Variants in DYNC2I1 observed in about 807,000 individuals in gnomAD.
The protein encoded by DYNC2I1 is cytoplasmic dynein 2 intermediate chain 1.
A neutral mutation model predicts 133.4 loss-of-function variants in DYNC2I1; 89 were observed. The observed-to-expected ratio is 0.67, with a 90% CI of 0.56 to 0.80. DYNC2I1 has a LOEUF of 0.80. DYNC2I1 is among the 30% of genes least tolerant of loss of function. The pLI is 0.00. For synonymous variants in DYNC2I1, 504 were observed against 484.3 expected (o/e 1.04, Z -0.54); for missense variants, 1,291 against 1,314.5 (o/e 0.98, Z 0.28).
In DYNC2I1 at chr7:158,934,181, A is replaced by G; in HGVS notation, c.2599A>G (p.Lys867Glu). The change falls in exon 22 of 25, where the codon AAA becomes GAA. Residue 867 changes from lysine (K) to glutamate (E), a missense_variant. Coordinates refer to ENST00000407559, the MANE Select transcript of DYNC2I1 (RefSeq NM_018051.5). ...FWGTTQTLNVKFLPSDPNHFI... is the reference protein window; with the variant it reads ...FWGTTQTLNVEFLPSDPNHFI... ...GGGCACTACACAAACACTGAATGTT[A>G]AATTTCTGCCTTCAGATCCTAATCA... 6.2e-7 allele frequency: 1 copy of G among 1,612,596 alleles called. No homozygotes were observed. Among genetic ancestry groups the G allele is most frequent in the Non-Finnish European group, 8.5e-7 (1 of 1,179,618 alleles).
chr7:158,857,236 C>G (rs941751233), intron 1 of DYNC2I1, among the ~76,000 whole-genome samples: 1 of 152,154 alleles, frequency 6.6e-6, no homozygotes, highest in Non-Finnish European at 1.5e-5. Flanking sequence ...CTTAACATGT[C>G]TTGTTTCCTA....
In DYNC2I1 at chr7:158,926,444, G is replaced by C. The variant is rs775525211; in HGVS notation, c.2414G>C (p.Ser805Thr). The C allele has an allele frequency of 6.2e-7, 1 of 1,613,500 alleles. No homozygotes were observed. The highest frequency in any genetic ancestry group is 1.7e-5 in the Admixed American group (1 of 59,920). The stretch of plus-strand genomic sequence containing the variant: ...TTCCACATCGCTTCCTTGGATGAGA[G>C]TGGGGTTCTCAATGTATGGGTGAGT... ...LSFHIASLDE[S>T]GVLNVWVVVE... Residue 805 changes from serine (S) to threonine (T), a missense_variant, in exon 19 of 25, where the codon AGT becomes ACT. Physicochemically the swap from Ser to Thr is moderately conservative, Grantham distance 58. Transcript: ENST00000407559.
intron 18 of DYNC2I1, 37 bp from the exon 19 acceptor site, chr7:158,926,365 A>G (rs1224721268): frequency 1.9e-6 from 3 of 1,603,956 alleles, no homozygotes; most frequent in African/African-American, 2.7e-5. Flanking sequence ...TTCCTTATTT[A>G]AAGCCATTTC....
chr7:158,938,830 A>C (rs1049787566), intron 23 of DYNC2I1, among the ~76,000 whole-genome samples: 6 of 152,158 alleles, frequency 3.9e-5, no homozygotes, highest in African/African-American at 1.4e-4. Flanking sequence ...ACACGCAAAA[A>C]CAAAAAACTT....
intron 12 of DYNC2I1, among the ~76,000 whole-genome samples, chr7:158,912,021 C>A (rs1033445064): frequency 2.0e-5 from 3 of 152,164 alleles, no homozygotes; most frequent in Non-Finnish European, 2.9e-5. Context: ...GTCGCCCAGG[C>A]CAGAGTGCAG....
At chr7:158,863,490 T>A (rs1842060363) in intron 1 of DYNC2I1, among the ~76,000 whole-genome samples, 3 of 151,498 alleles carry the variant, frequency 2.0e-5, no homozygotes, top group Admixed American at 2.0e-4. Context: ...ATATGGCTGT[T>A]GGTGGTGATG....
chr7:158,905,092 C>G (rs1468687103), intron 10 of DYNC2I1: 1 of 416,696 alleles, frequency 2.4e-6, no homozygotes, highest in Non-Finnish European at 4.7e-6. Flanking sequence ...GACTTGTGTC[C>G]ATTACAAAGG....
At chr7:158,900,708 A>G (rs1846154033) in intron 8 of DYNC2I1, among the ~76,000 whole-genome samples, 1 of 144,428 alleles carries the variant, frequency 6.9e-6, no homozygotes, top group Admixed American at 6.9e-5. Flanking sequence ...CAGTTGTCCC[A>G]CAGTTCTTGG....
intron 11 of DYNC2I1, 68 bp downstream of exon 11, chr7:158,906,159 T>C: frequency 7.1e-7 from 1 of 1,400,836 alleles, no homozygotes; most frequent in South Asian, 1.3e-5. Flanking sequence ...CACATACTTT[T>C]AAAAAATCGA....
At chr7:158,906,134 G>T in intron 11 of DYNC2I1, 43 bp downstream of exon 11, 1 of 1,530,452 alleles carries the variant, frequency 6.5e-7, no homozygotes, top group South Asian at 1.2e-5. Flanking sequence ...CAGGGTTTTA[G>T]CTTAACTTTT....
chr7:158,927,530 A>C (rs1018924662), intron 20 of DYNC2I1, among the ~76,000 whole-genome samples: 2 of 151,922 alleles, frequency 1.3e-5, no homozygotes, highest in African/African-American at 4.8e-5. Context: ...TCAATTAACT[A>C]GAATAATCAA....
At chr7:158,839,361 G>A in the DYNC2I1 span, among the ~76,000 whole-genome samples, 2 of 142,732 alleles carry the variant, frequency 1.4e-5, no homozygotes, top group Non-Finnish European at 3.0e-5. Context: ...ATGCTAATAT[G>A]ACTCCGTAAC....
At chr7:158,918,670 G>T (rs1848720549) in intron 14 of DYNC2I1, 70 bp from the exon 15 acceptor site, 2 of 1,575,480 alleles carry the variant, frequency 1.3e-6, no homozygotes, top group Admixed American at 1.7e-5. Flanking sequence ...AGATGAAAAG[G>T]TAATTTTTTT....
intron 8 of DYNC2I1, among the ~76,000 whole-genome samples, chr7:158,894,138 C>CATATCCTACCGCATATCCTACCGCAT (rs1554455841): frequency 2.0e-5 from 3 of 151,858 alleles, no homozygotes; most frequent in Non-Finnish European, 4.4e-5. Context: ...TATCATACCG[C>CATATCCTACCGCATATCCTACCGCAT]ATATCCTACC....
chr7:158,898,923 A>G (rs1388326373), intron 8 of DYNC2I1, among the ~76,000 whole-genome samples: 1 of 152,050 alleles, frequency 6.6e-6, no homozygotes, highest in South Asian at 2.1e-4. Flanking sequence ...AACCAATACA[A>G]GTCCACTTTT....
At chr7:158,920,576 C>T (rs569806440) in intron 15 of DYNC2I1, among the ~76,000 whole-genome samples, 59 of 152,092 alleles carry the variant, frequency 3.9e-4, no homozygotes, top group Middle Eastern at 3.4e-3. Context: ...TGGCCTCTGT[C>T]GGGGAACACG....
At chr7:158,847,140 T>C in the DYNC2I1 span, among the ~76,000 whole-genome samples, 5 of 152,226 alleles carry the variant, frequency 3.3e-5, no homozygotes, top group African/African-American at 1.2e-4. Flanking sequence ...AAGATTAATT[T>C]GGTAAATTTA....
chr7:158,889,372 G>T (rs541963771), intron 7 of DYNC2I1, among the ~76,000 whole-genome samples: 1 of 150,732 alleles, frequency 6.6e-6, no homozygotes, highest in South Asian at 2.1e-4. Context: ...GAGCCACCAC[G>T]TCTGGCCACC....
At chr7:158,866,562 T>TCCCC (rs1216425795) in intron 1 of DYNC2I1, among the ~76,000 whole-genome samples, 3 of 152,078 alleles carry the variant, frequency 2.0e-5, no homozygotes, top group Non-Finnish European at 4.4e-5. Flanking sequence ...GCAGGTCCTA[T>TCCCC]ATTAAACCTC....
Sources: allele counts gnomAD v4.1 joint callset (sites outside exome capture counted in the v4.1 genomes callset), GRCh38; gene constraint gnomAD v4.1.1; transcripts MANE v1.5; gene names NCBI Gene and HGNC (gene_info 2026-07-23, HGNC 2026-07-21).